TMEM259: variants seen among roughly 807,000 people sequenced by gnomAD.
The protein encoded by TMEM259 is membralin.
Under a neutral mutation model 46.7 loss-of-function variants are expected in TMEM259, and 26 were observed. The observed-to-expected ratio is 0.56, with a 90% CI of 0.41 to 0.77. The LOEUF (loss-of-function observed/expected upper bound fraction) is 0.77, where lower values mean the gene tolerates loss of function less well. Among genes scored for constraint, TMEM259 ranks in the 30% least tolerant of loss-of-function variants. The probability of loss-of-function intolerance (pLI) is 0.00; values close to 1 mark genes in which losing one functional copy is unlikely to be tolerated. For synonymous variants in TMEM259, 494 were observed against 395.1 expected, an observed-to-expected ratio of 1.25 and a Z score of -2.97; for missense variants, 930 against 900.5, an observed-to-expected ratio of 1.03 and a Z score of -0.42.
At chr19:1,015,773 G>C (rs1568406430) in intron 1 of TMEM259, among the ~76,000 whole-genome samples, 1 of 152,204 alleles carries the variant, frequency 6.6e-6, no homozygotes, top group African/African-American at 2.4e-5. Flanking sequence ...GGTGCAGTGA[G>C]CCACCTGTGG....
chr19:1,011,027 C>T, intron 10 of TMEM259, 69 bp downstream of exon 10: 1 of 1,549,412 alleles, frequency 6.5e-7, no homozygotes. Context: ...GGGCATCCTC[C>T]CCGGCTGCAG....
chr19:1,014,530 A>G, intron 1 of TMEM259, 57 bp from the exon 2 acceptor site: 3 of 1,557,472 alleles, frequency 1.9e-6, no homozygotes, highest in Non-Finnish European at 2.6e-6. Flanking sequence ...GCCGACACCC[A>G]AGGGCCTACG....
At chr19:1,011,317 T>C in intron 9 of TMEM259, 50 bp downstream of exon 9, 1 of 1,546,086 alleles carries the variant, frequency 6.5e-7, no homozygotes, top group Non-Finnish European at 8.7e-7. Context: ...GGCAGCCCCC[T>C]ACCCCTGCCC....
rs1221999841 is a variant in TMEM259, at chr19:1,010,901, G to A, written c.1318-6C>T. On this transcript the variant is annotated splice_region_variant and splice_polypyrimidine_tract_variant and intron_variant, in intron 10 of 10. Coordinates refer to ENST00000356663, the MANE Select transcript of TMEM259 (RefSeq NM_001033026.2). ...AAGAAGTAGATCATGGAATGCTGCG[G>A]GAGGGAGAGTGGGAGTCAGGACGGG... is the stretch of plus-strand genomic sequence containing the variant. 1.9e-6 allele frequency: 3 copies of A among 1,589,716 alleles called. No individual in the cohort carries two copies. The highest frequency in any genetic ancestry group is 2.2e-5 in the East Asian group (1 of 44,552).
chr19:1,012,195 G>A lies in TMEM259; in HGVS notation c.719-7C>T, dbSNP rs1217024593. ...CACTGGTCCCGCGTGGGGTCTGCGG[G>A]TGGGTGAATCAGGGAGCCGGGAGCC... On this transcript the variant is annotated splice_polypyrimidine_tract_variant and splice_region_variant and intron_variant, in intron 4 of 10. Coordinates refer to ENST00000356663, the MANE Select transcript of TMEM259 (RefSeq NM_001033026.2). 4 of 1,595,764 alleles carry A rather than the reference G, an allele frequency of 2.5e-6. No individual in the cohort carries two copies. Among genetic ancestry groups the A allele is most frequent in the East Asian group, 2.3e-5 (1 of 43,850 alleles).
Position 1,009,742 on chromosome 19 carries a change from C to T in TMEM259, c.*608G>A. On this transcript the variant is annotated 3_prime_UTR_variant, in exon 11 of 11. Coordinates refer to ENST00000356663, the MANE Select transcript of TMEM259 (RefSeq NM_001033026.2). ...GGAATGAGCGCTCCTCCGCATTCCT[C>T]CCCGAGTGACTGGTTTGGCCGCCGG... 1 of 779,046 alleles carries T rather than the reference C, an allele frequency of 1.3e-6. No homozygotes were observed. Among genetic ancestry groups the T allele is most frequent in the Non-Finnish European group, 1.8e-6 (1 of 549,404 alleles). The allele number at this position is 779,046 out of a possible 1,614,324, so 48.3% of individuals were successfully genotyped here.
Position 1,014,346 on chromosome 19 carries a change from T to C in TMEM259, c.353A>G (p.Asn118Ser), listed in dbSNP as rs755087621. Residue 118 changes from asparagine to serine, a missense_variant, in exon 2 of 11, where the codon AAC (asparagine) becomes AGC (serine). Asn to Ser is a conservative substitution (Grantham distance 46). Coordinates refer to ENST00000356663, the MANE Select transcript of TMEM259 (RefSeq NM_001033026.2). ...TAGGAAGACGGGCGCGCGGCTCGAG[T>C]TGTGCCGCACTTCCACACGCAGGAT... ...EGILRVEVRH[N>S]SSRAPVFLQF... 6.2e-7 allele frequency: 1 copy of C among 1,612,884 alleles called. No individual in the cohort carries two copies. Among genetic ancestry groups the C allele is most frequent in the East Asian group, 2.2e-5 (1 of 44,874 alleles).
chr19:1,011,128 G>A lies in TMEM259; in HGVS notation c.1285C>T (p.Leu429=), dbSNP rs543116030. 1.2e-6 allele frequency: 2 copies of A among 1,603,406 alleles called. No homozygotes were observed. The highest frequency in any genetic ancestry group is 2.2e-5 in the South Asian group (2 of 89,384). The change falls in exon 10 of 11, where the codon CTG becomes TTG. Residue 429 remains leucine, a synonymous_variant. Transcript: ENST00000356663. ...HYRFNGQYSS[L]ALVTSWLFIQ... The stretch of plus-strand genomic sequence containing the variant: ...AAGAGCCAGGAGGTGACCAGGGCCA[G>A]GCTGCTATACTGCCCATTGAAGCGG...
chr19:1,009,675 C>T lies in TMEM259; in HGVS notation c.*675G>A, dbSNP rs1322644303. On this transcript the variant is annotated 3_prime_UTR_variant, in exon 11 of 11. Coordinates refer to ENST00000356663, the MANE Select transcript of TMEM259 (RefSeq NM_001033026.2). ...AGCCGCTGTCAACAGACAGTTTATT[C>T]TATATACAAACACAATTTTGTACAC... 1.2e-5 allele frequency: 15 copies of T among 1,208,126 alleles called. No individual in the cohort carries two copies. The highest frequency in any genetic ancestry group is 1.6e-5 in the Non-Finnish European group (15 of 928,858). The allele number at this position is 1,208,126 out of a possible 1,614,324, so 74.8% of individuals were successfully genotyped here. A position where few individuals can be genotyped will look rare whatever the true frequency, so the allele number is the denominator to read the frequency against.
intron 1 of TMEM259, among the ~76,000 whole-genome samples, chr19:1,018,160 C>G (rs776225654): frequency 1.1e-4 from 17 of 152,158 alleles, no homozygotes; most frequent in Non-Finnish European, 2.2e-4. Flanking sequence ...GCACCCAGTG[C>G]CCCAAGATGG....
intron 9 of TMEM259, 58 bp from the exon 10 acceptor site, chr19:1,011,253 C>T (rs1599471031): frequency 6.5e-7 from 1 of 1,546,630 alleles, no homozygotes; most frequent in East Asian, 2.4e-5. Context: ...GGCCCAGCCC[C>T]TGGGGTTCCC....
At chr19:1,019,846 G>A (rs1180590057) in intron 1 of TMEM259, among the ~76,000 whole-genome samples, 1 of 152,228 alleles carries the variant, frequency 6.6e-6, no homozygotes, top group East Asian at 1.9e-4. Context: ...CATTTCGCCA[G>A]GTGGCCCAGG....
chr19:1,015,176 C>T (rs2039068011), intron 1 of TMEM259, among the ~76,000 whole-genome samples: 1 of 152,268 alleles, frequency 6.6e-6, no homozygotes, highest in South Asian at 2.1e-4. Context: ...CAGTGGACCT[C>T]CGTGGCTGGG....
At chr19:1,016,795 C>T (rs1315911322) in intron 1 of TMEM259, among the ~76,000 whole-genome samples, 3 of 152,126 alleles carry the variant, frequency 2.0e-5, no homozygotes, top group Admixed American at 6.5e-5. Flanking sequence ...CCAGGGTCAG[C>T]GGGAGAGGGC....
In TMEM259 at chr19:1,011,678, C is replaced by T. The variant is rs776529834; in HGVS notation, c.1001-15G>A. On this transcript the variant is annotated splice_polypyrimidine_tract_variant and intron_variant, in intron 7 of 10. Transcript: ENST00000356663. ...CAGCAGGTCCACTGCGGGCACAGGG[C>T]GGCGGGCGCCCGGTGAGGGCCTGGA... The T allele has an allele frequency of 9.1e-6, 14 of 1,538,836 alleles. No individual in the cohort carries two copies. The East Asian group carries it at 1.5e-4, about 16-fold the overall frequency.
chr19:1,014,518 C>T, intron 1 of TMEM259, 45 bp from the exon 2 acceptor site: 6 of 1,581,020 alleles, frequency 3.8e-6, no homozygotes, highest in African/African-American at 1.4e-5. Context: ...GGGCCAGCTG[C>T]AGCCGACACC....
Position 1,009,660 on chromosome 19 carries a change from AACAG to A in TMEM259, c.*686_*689del, listed in dbSNP as rs568290143. 1.2e-4 allele frequency: 153 copies of A among 1,279,974 alleles called. No individual in the cohort carries two copies. Among genetic ancestry groups the A allele is most frequent in the African/African-American group, 7.1e-4 (45 of 63,704 alleles). The allele number at this position is 1,279,974 out of a possible 1,614,324, so 79.3% of individuals were successfully genotyped here. A position where few individuals can be genotyped will look rare whatever the true frequency, so the allele number is the denominator to read the frequency against. Reference sequence around the variant, plus strand: ...ACACACAGCGCAGTGAGCCGCTGTCAACAGACAGTTTATTCTATATACAAACACA... The same window carrying A: ...ACACACAGCGCAGTGAGCCGCTGTCAACAGTTTATTCTATATACAAACACA... On this transcript the variant is annotated 3_prime_UTR_variant, in exon 11 of 11. Coordinates refer to ENST00000356663, the MANE Select transcript of TMEM259 (RefSeq NM_001033026.2).
chr19:1,012,010 G>A lies in TMEM259; in HGVS notation c.842-18C>T, dbSNP rs752768946. 1.3e-5 allele frequency: 21 copies of A among 1,611,566 alleles called. No homozygotes were observed. Among genetic ancestry groups the A allele is most frequent in the East Asian group, 4.5e-5 (2 of 44,870 alleles). The stretch of plus-strand genomic sequence containing the variant: ...CAGGAAGCCTGCAGCAGAAGGAGCC[G>A]TGAGCGCCCGCCCCCACCCGCGCCC... On this transcript the variant is annotated intron_variant, in intron 5 of 10. Transcript: ENST00000356663.
At position 1,014,287 on chromosome 19, in the gene TMEM259, G is replaced by A; in HGVS notation, c.412C>T (p.Pro138Ser). ...CTGCCTGGTTCCACGGCCAGGCCCG[G>A]GAAGCTCCCGCGGCCGCCGCTGTCA... ...FCDSGGRGSF[P>S]GLAVEPGSNL... is the part of the protein sequence containing the mutation. The change falls in exon 2 of 11, where the codon CCG (proline) becomes TCG (serine). Residue 138 changes from proline to serine, a missense_variant. Coordinates refer to ENST00000356663, the MANE Select transcript of TMEM259 (RefSeq NM_001033026.2). The A allele has an allele frequency of 6.2e-7, 1 of 1,612,892 alleles. No individual in the cohort carries two copies. Among genetic ancestry groups the A allele is most frequent in the South Asian group, 1.1e-5 (1 of 91,082 alleles).
Sources: gnomAD v4.1 joint callset for allele counts (sites outside exome capture counted in the v4.1 genomes callset) on GRCh38, gnomAD v4.1.1 for gene constraint, MANE v1.5 for transcripts, NCBI Gene and HGNC (gene_info 2026-07-23, HGNC 2026-07-21) for gene names.